KCNN2: variants seen among roughly 807,000 people sequenced by gnomAD.
The protein encoded by KCNN2 is small conductance calcium-activated potassium channel protein 2.
Under a neutral mutation model 55.5 loss-of-function variants are expected in KCNN2, and 24 were observed. The observed-to-expected ratio is 0.43, with a 90% CI of 0.31 to 0.61. KCNN2 has a LOEUF of 0.61. KCNN2 is among the 20% of genes least tolerant of loss of function. The probability of loss-of-function intolerance (pLI) is 0.08; values close to 1 mark genes in which losing one functional copy is unlikely to be tolerated. For missense variants in KCNN2, 754 were observed against 853.6 expected, an observed-to-expected ratio of 0.88 and a Z score of 1.45; for synonymous variants, 431 against 336.1, an observed-to-expected ratio of 1.28 and a Z score of -3.09.
chr5:114,415,400 C>G (rs1357173377), intron 3 of KCNN2, among the ~76,000 whole-genome samples: 1 of 152,102 alleles, frequency 6.6e-6, no homozygotes, highest in Non-Finnish European at 1.5e-5. Context: ...TTATCACATC[C>G]TTGACAACAT....
intron 5 of KCNN2, chr5:114,486,546 G>A (rs746104189): frequency 3.5e-6 from 1 of 289,524 alleles, no homozygotes; most frequent in Non-Finnish European, 6.7e-6. Flanking sequence ...CATACAAATT[G>A]CTAAGTCATT....
At chr5:114,193,844 TTTA>T (rs1328554942) in intron 1 of KCNN2, among the ~76,000 whole-genome samples, 1 of 152,160 alleles carries the variant, frequency 6.6e-6, no homozygotes, top group Non-Finnish European at 1.5e-5. Context: ...AGTGTGTGTT[TTTA>T]TTTTCTTTTA....
At chr5:114,449,759 A>G (rs1760571367) in intron 3 of KCNN2, among the ~76,000 whole-genome samples, 1 of 151,756 alleles carries the variant, frequency 6.6e-6, no homozygotes, top group Non-Finnish European at 1.5e-5. Flanking sequence ...TTCCTTACAG[A>G]TTTAAGAGAT....
In KCNN2 at chr5:114,090,146, G is replaced by A. The variant is rs958620457; in HGVS notation, c.-271+33646G>A. On this transcript the variant is annotated intron_variant, in intron 1 of 10. Coordinates refer to the KCNN2 transcript ENST00000512097. ...TTATATATTTAGAGCAAAGGCAATC[G>A]TATGGATTTTTAATGACCTAAAATT... Among the ~76,000 whole-genome samples the A allele has an allele frequency of 3.4e-4, 51 of 152,110 alleles. 1 individual carries two copies. The highest frequency in any genetic ancestry group is 1.1e-3 in the African/African-American group (45 of 41,414).
chr5:114,152,453 T>C (rs1244134657), intron 1 of KCNN2, among the ~76,000 whole-genome samples: 1 of 152,230 alleles, frequency 6.6e-6, no homozygotes, highest in East Asian at 1.9e-4. Context: ...TTTGCAAATA[T>C]AATTTTTTAT....
chr5:114,119,335 A>C (rs541482232), intron 1 of KCNN2, among the ~76,000 whole-genome samples: 106 of 152,298 alleles, frequency 7.0e-4, no homozygotes, highest in African/African-American at 2.5e-3. Flanking sequence ...AAGTCTGATA[A>C]ATTAGGGAAG....
chr5:114,142,338 C>G (rs1260340452), intron 1 of KCNN2, among the ~76,000 whole-genome samples: 1 of 152,102 alleles, frequency 6.6e-6, no homozygotes, highest in Non-Finnish European at 1.5e-5. Context: ...CCAGTTTCAG[C>G]TTTCTACATA....
chr5:114,182,607 C>G (rs1356330983), intron 1 of KCNN2, among the ~76,000 whole-genome samples: 1 of 151,978 alleles, frequency 6.6e-6, no homozygotes, highest in African/African-American at 2.4e-5. Context: ...AAACCTATTT[C>G]TAAATATTGT....
At chr5:114,394,654 A>T (rs1187165443) in intron 2 of KCNN2, among the ~76,000 whole-genome samples, 2 of 152,140 alleles carry the variant, frequency 1.3e-5, no homozygotes, top group African/African-American at 4.8e-5. Flanking sequence ...TCTTTCAAAC[A>T]CTTGTATGGG....
At chr5:114,248,821 CT>C (rs1754800455) in intron 2 of KCNN2, among the ~76,000 whole-genome samples, 3 of 152,070 alleles carry the variant, frequency 2.0e-5, no homozygotes, top group Admixed American at 2.0e-4. Flanking sequence ...TAAGTTGCCC[CT>C]ATTAATCCAT....
At chr5:114,142,376 T>A (rs1375387139) in intron 1 of KCNN2, among the ~76,000 whole-genome samples, 1 of 152,202 alleles carries the variant, frequency 6.6e-6, no homozygotes, top group Non-Finnish European at 1.5e-5. Flanking sequence ...CAGCACCATT[T>A]ATTAAATAGG....
At chr5:114,271,776 G>A (rs1339014599) in intron 2 of KCNN2, among the ~76,000 whole-genome samples, 1 of 152,138 alleles carries the variant, frequency 6.6e-6, no homozygotes, top group Admixed American at 6.6e-5. Context: ...ATAGTGGTTA[G>A]AAGCTTGGGC....
chr5:114,208,172 G>A (rs1331695275), intron 1 of KCNN2, among the ~76,000 whole-genome samples: 1 of 152,158 alleles, frequency 6.6e-6, no homozygotes, highest in African/African-American at 2.4e-5. Flanking sequence ...AGAAAGTCAA[G>A]CATATATACA....
chr5:114,282,562 A>G (rs897045491), intron 2 of KCNN2, among the ~76,000 whole-genome samples: 2 of 152,126 alleles, frequency 1.3e-5, no homozygotes, highest in African/African-American at 2.4e-5. Context: ...GTAAAGATTT[A>G]TGGCTGTTGC....
intron 4 of KCNN2, among the ~76,000 whole-genome samples, chr5:114,467,108 A>G (rs929267766): frequency 1.3e-5 from 2 of 152,178 alleles, no homozygotes; most frequent in African/African-American, 2.4e-5. Flanking sequence ...TTAACATCAC[A>G]TGGTGACTCC....
At chr5:114,403,739 T>A (rs1438541032) in intron 2 of KCNN2, among the ~76,000 whole-genome samples, 1 of 152,188 alleles carries the variant, frequency 6.6e-6, no homozygotes, top group Admixed American at 6.6e-5. Context: ...TCTTAAAAAA[T>A]TTTGTTTGTT....
intron 3 of KCNN2, among the ~76,000 whole-genome samples, chr5:114,448,852 A>G (rs981368748): frequency 1.3e-5 from 2 of 152,236 alleles, no homozygotes; most frequent in African/African-American, 4.8e-5. Context: ...ATAACTGCGT[A>G]CTGTAGATGG....
chr5:114,218,780 C>A (rs1754063311), intron 1 of KCNN2, among the ~76,000 whole-genome samples: 2 of 152,088 alleles, frequency 1.3e-5, no homozygotes, highest in African/African-American at 4.8e-5. Flanking sequence ...ACTAATATAC[C>A]ACTCTTGTGT....
intron 3 of KCNN2, among the ~76,000 whole-genome samples, chr5:114,408,472 A>G (rs1438787989): frequency 2.6e-5 from 4 of 152,048 alleles, no homozygotes. Context: ...CTTTTTAAGG[A>G]AAGGTAGACT....
Sources: allele counts gnomAD v4.1 joint callset (sites outside exome capture counted in the v4.1 genomes callset), GRCh38; gene constraint gnomAD v4.1.1; transcripts MANE v1.5; gene names NCBI Gene and HGNC (gene_info 2026-07-23, HGNC 2026-07-21).